Variants in TRIM33 observed in about 807,000 individuals in gnomAD.
The protein encoded by TRIM33 is tripartite motif containing 33.
TRIM33 carries 20 observed loss-of-function variants against 125.4 expected under a neutral mutation model. That is an observed-to-expected ratio of 0.16 (90% CI 0.11 to 0.23). The LOEUF (loss-of-function observed/expected upper bound fraction) is 0.23, where lower values mean the gene tolerates loss of function less well. TRIM33 is among the 10% of genes least tolerant of loss of function. The pLI, the probability that TRIM33 is intolerant of heterozygous loss-of-function variation, is 1.00. For synonymous variants in TRIM33, 564 were observed against 513.9 expected, an observed-to-expected ratio of 1.10 and a Z score of -1.32; for missense variants, 920 against 1,411.4, an observed-to-expected ratio of 0.65 and a Z score of 5.58.
chr1:114,449,194 C>A (rs1198714521), intron 4 of TRIM33, among the ~76,000 whole-genome samples: 1 of 151,978 alleles, frequency 6.6e-6, no homozygotes, highest in Non-Finnish European at 1.5e-5. Flanking sequence ...GTATCTCATA[C>A]CTCCAGGCCC....
chr1:114,484,749 C>T (rs945276935), intron 1 of TRIM33, among the ~76,000 whole-genome samples: 6 of 152,118 alleles, frequency 3.9e-5, no homozygotes, highest in Non-Finnish European at 2.9e-5. Context: ...CCAGTAGTCC[C>T]AGTTACTCAG....
rs1557836757 is a variant in TRIM33 at position 114,395,960 on chromosome 1, TA to T, written c.*1687del. ...GCACTTTATTTGATTCAATATGCATTAAAAAATATTGACCTCTTAGACAATT... is the reference window on the plus strand; with the variant it reads ...GCACTTTATTTGATTCAATATGCATTAAAAATATTGACCTCTTAGACAATT... On this transcript the variant is annotated 3_prime_UTR_variant, in exon 20 of 20. Transcript: ENST00000358465. The T allele has an allele frequency of 5.1e-6, 1 of 194,422 alleles. No homozygotes were observed. Among genetic ancestry groups the T allele is most frequent in the African/African-American group, 2.3e-5 (1 of 43,226 alleles). The allele number at this position is 194,422 out of a possible 1,614,324, so 12.0% of individuals were successfully genotyped here. A position where few individuals can be genotyped will look rare whatever the true frequency, so the allele number is the denominator to read the frequency against.
At chr1:114,468,546 CAAAAGAAAAG>C (rs550631426) in intron 1 of TRIM33, 1 of 394,754 alleles carries the variant, frequency 2.5e-6, no homozygotes, top group South Asian at 2.1e-5. Context: ...CTTCTTTAAT[CAAAAGAAAAG>C]AAAAGAAAAA....
chr1:114,440,199 C>G (rs1237292392), intron 4 of TRIM33, among the ~76,000 whole-genome samples: 1 of 152,076 alleles, frequency 6.6e-6, no homozygotes, highest in African/African-American at 2.4e-5. Context: ...AAACACTTCA[C>G]ATGTGAATTT....
chr1:114,424,496 A>C (rs755504954), intron 10 of TRIM33, 95 bp downstream of exon 10: 38 of 1,115,644 alleles, frequency 3.4e-5, no homozygotes, highest in Non-Finnish European at 3.7e-6. Flanking sequence ...AAATTCTCAA[A>C]CACATCAATG....
intron 1 of TRIM33, among the ~76,000 whole-genome samples, chr1:114,481,519 T>G: frequency 6.8e-6 from 1 of 147,568 alleles, no homozygotes. Flanking sequence ...TGAATCTGGG[T>G]GGCAGAGGTT....
chr1:114,421,763 T>G, intron 10 of TRIM33, 127 bp from the exon 11 acceptor site: 1 of 852,158 alleles, frequency 1.2e-6, no homozygotes, highest in Non-Finnish European at 1.8e-6. Context: ...TCAAACTTAT[T>G]CAGGAGAAGA....
chr1:114,460,743 T>C (rs2101365862), intron 4 of TRIM33, among the ~76,000 whole-genome samples: 1 of 152,238 alleles, frequency 6.6e-6, no homozygotes, highest in Non-Finnish European at 1.5e-5. Context: ...AAATGACCAA[T>C]CCACTTTTTA....
intron 1 of TRIM33, chr1:114,469,329 G>A (rs939809456): frequency 2.2e-4 from 36 of 166,150 alleles, no homozygotes; most frequent in Non-Finnish European, 3.5e-4. Context: ...GAGATTTGGC[G>A]GGACAGGTTT....
Sources: gnomAD v4.1 joint callset for allele counts (sites outside exome capture counted in the v4.1 genomes callset) on GRCh38, gnomAD v4.1.1 for gene constraint, MANE v1.5 for transcripts, NCBI Gene and HGNC (gene_info 2026-07-23, HGNC 2026-07-21) for gene names.